Variants in TTC28 observed in about 807,000 individuals in gnomAD.
TTC28 encodes the protein tetratricopeptide repeat protein 28.
TTC28 carries 61 observed loss-of-function variants against 198.0 expected under a neutral mutation model. The ratio of observed to expected loss-of-function variants is 0.31; its 90% CI spans 0.25 to 0.38. The LOEUF is 0.38. Among genes scored for constraint, TTC28 ranks in the 10% least tolerant of loss-of-function variants. The pLI, the probability that TTC28 is intolerant of heterozygous loss-of-function variation, is 1.00. For missense variants in TTC28, 2,678 were observed against 3,164.0 expected, an observed-to-expected ratio of 0.85 and a Z score of 3.69; for synonymous variants, 1,171 against 1,297.8, an observed-to-expected ratio of 0.90 and a Z score of 2.10.
At chr22:28,604,385 T>C (rs1037928752) in intron 2 of TTC28, among the ~76,000 whole-genome samples, 8 of 150,376 alleles carry the variant, frequency 5.3e-5, no homozygotes, top group Non-Finnish European at 1.0e-4. Flanking sequence ...TTTTTGAGAA[T>C]ATTAAAAAAT....
chr22:28,299,765 T>C lies in TTC28; in HGVS notation c.530-1913A>G, dbSNP rs528601522. Among the ~76,000 whole-genome samples the C allele has an allele frequency of 2.0e-5, 3 of 152,302 alleles. No individual in the cohort carries two copies. In the South Asian group the frequency reaches 6.2e-4, roughly 32 times the overall value. ...GAAATGAAGAATCTGAGTATTTAAG[T>C]GACTTATCCCAAGTTGGAAAGCTTG... On this transcript the variant is annotated intron_variant, in intron 3 of 22. Transcript: ENST00000397906.
intron 2 of TTC28, among the ~76,000 whole-genome samples, chr22:28,449,445 T>G (rs1359403890): frequency 6.6e-6 from 1 of 152,222 alleles, no homozygotes. Context: ...ATTTTAACAT[T>G]TTTTATTTCA....
At chr22:28,189,849 A>G (rs1924563228) in intron 5 of TTC28, among the ~76,000 whole-genome samples, 1 of 152,212 alleles carries the variant, frequency 6.6e-6, no homozygotes, top group African/African-American at 2.4e-5. Flanking sequence ...TGCTAAGGCA[A>G]AAAGAGAATA....
intron 5 of TTC28, among the ~76,000 whole-genome samples, chr22:28,269,307 C>T (rs1390368981): frequency 6.6e-6 from 1 of 151,922 alleles, no homozygotes; most frequent in Non-Finnish European, 1.5e-5. Flanking sequence ...TACAGGGTCC[C>T]TCGGGAAGTG....
Position 28,417,300 on chromosome 22 carries a change from TAAA to T in TTC28, c.382-110660_382-110658del, listed in dbSNP as rs68164494. ...AAACATAGCAAGACCCTGTCTCTAC[TAAA>T]AAAAAAAAAAAAAAAAAAAAAAAAG... On this transcript the variant is annotated intron_variant, in intron 2 of 22. Coordinates refer to ENST00000397906, the MANE Select transcript of TTC28 (RefSeq NM_001145418.2). Among the ~76,000 whole-genome samples, 30 of 44,652 alleles carry T rather than the reference TAAA, an allele frequency of 6.7e-4. No individual in the cohort carries two copies. In the East Asian group the frequency reaches 7.8e-3, roughly 12 times the overall value. 29.3% of individuals were successfully genotyped at this position (44,652 alleles called of 152,430 possible). A position where few individuals can be genotyped will look rare whatever the true frequency, so the allele number is the denominator to read the frequency against.
chr22:28,070,728 T>C (rs571840764), intron 12 of TTC28, among the ~76,000 whole-genome samples: 2 of 152,318 alleles, frequency 1.3e-5, no homozygotes, highest in East Asian at 3.8e-4. Flanking sequence ...AAAATCAATG[T>C]TGTGTGTCAT....
chr22:28,039,435 C>T (rs966235434), intron 12 of TTC28, among the ~76,000 whole-genome samples: 10 of 149,840 alleles, frequency 6.7e-5, no homozygotes, highest in Admixed American at 2.7e-4. Flanking sequence ...AAACCAAACA[C>T]GGCATGTTCT....
At chr22:28,155,806 G>A (rs1943736604) in intron 6 of TTC28, among the ~76,000 whole-genome samples, 1 of 152,138 alleles carries the variant, frequency 6.6e-6, no homozygotes, top group African/African-American at 2.4e-5. Flanking sequence ...TTTAGGGTGA[G>A]GACTCTACCT....
At chr22:28,519,481 C>A (rs979202821) in intron 2 of TTC28, among the ~76,000 whole-genome samples, 2 of 152,210 alleles carry the variant, frequency 1.3e-5, no homozygotes, top group African/African-American at 2.4e-5. Flanking sequence ...TGGCTGAAAT[C>A]AGTTGAAACC....
intron 1 of TTC28, among the ~76,000 whole-genome samples, chr22:28,646,319 G>C (rs1191497830): frequency 1.3e-5 from 2 of 152,148 alleles, no homozygotes; most frequent in Non-Finnish European, 2.9e-5. Flanking sequence ...CTGCAGAGAA[G>C]ATAAAATACA....
At chr22:28,216,420 C>G (rs994505499) in intron 5 of TTC28, among the ~76,000 whole-genome samples, 1 of 152,148 alleles carries the variant, frequency 6.6e-6, no homozygotes, top group Non-Finnish European at 1.5e-5. Flanking sequence ...AAGTCTAACT[C>G]TCCTTCAGCC....
chr22:28,150,919 G>A (rs1412781443), intron 6 of TTC28, among the ~76,000 whole-genome samples: 1 of 152,190 alleles, frequency 6.6e-6, no homozygotes, highest in East Asian at 1.9e-4. Context: ...CTAGGTCTAG[G>A]AAAACAAAAT....
At chr22:28,292,252 A>G (rs540223515) in intron 5 of TTC28, among the ~76,000 whole-genome samples, 2 of 152,152 alleles carry the variant, frequency 1.3e-5, no homozygotes, top group East Asian at 3.9e-4. Context: ...CAATGGTGTG[A>G]ACTTGGCCCA....
intron 2 of TTC28, among the ~76,000 whole-genome samples, chr22:28,307,953 G>A (rs972413317): frequency 3.9e-5 from 6 of 151,950 alleles, no homozygotes; most frequent in African/African-American, 1.5e-4. Context: ...AGCACCTTTC[G>A]TGTTTACAAG....
chr22:28,092,619 G>A (rs1941848656), intron 12 of TTC28, among the ~76,000 whole-genome samples: 1 of 152,110 alleles, frequency 6.6e-6, no homozygotes, highest in Non-Finnish European at 1.5e-5. Context: ...CAATACCTTT[G>A]GTCAGGTTAT....
At chr22:28,018,244 A>AGTGTGTGTGTGTGTGTGTGTGTGTGTGT (rs138612299) in intron 13 of TTC28, among the ~76,000 whole-genome samples, 8 of 114,974 alleles carry the variant, frequency 7.0e-5, no homozygotes, top group African/African-American at 2.5e-4. Flanking sequence ...GCTGCTATTC[A>AGTGTGTGTGTGTGTGTGTGTGTGTGTGT]GTGTGTGTGT....
intron 2 of TTC28, among the ~76,000 whole-genome samples, chr22:28,489,659 G>C (rs2048350866): frequency 6.6e-6 from 1 of 152,140 alleles, no homozygotes; most frequent in Non-Finnish European, 1.5e-5. Flanking sequence ...GGTGGTGCAT[G>C]CCTGTAGTTC....
chr22:28,071,406 A>G (rs1355130632), intron 12 of TTC28, among the ~76,000 whole-genome samples: 2 of 151,308 alleles, frequency 1.3e-5, no homozygotes, highest in Non-Finnish European at 2.9e-5. Context: ...GCAGCCATAA[A>G]AAATGATGAG....
intron 12 of TTC28, among the ~76,000 whole-genome samples, chr22:28,077,617 C>A (rs1424924495): frequency 3.3e-5 from 5 of 152,008 alleles, no homozygotes; most frequent in Non-Finnish European, 7.4e-5. Context: ...AGTGTAGAAT[C>A]AATGGAGTTG....
Sources: allele counts gnomAD v4.1 joint callset (sites outside exome capture counted in the v4.1 genomes callset), GRCh38; gene constraint gnomAD v4.1.1; transcripts MANE v1.5; gene names NCBI Gene and HGNC (gene_info 2026-07-23, HGNC 2026-07-21).